The following GSAP variants were observed in gnomAD, a reference collection of about 807,000 sequenced individuals.
The protein encoded by GSAP is gamma-secretase activating protein.
A neutral mutation model predicts 131.7 loss-of-function variants in GSAP; 118 were observed. The observed-to-expected ratio is 0.90, with a 90% CI of 0.77 to 1.04. The LOEUF (loss-of-function observed/expected upper bound fraction) is 1.04. GSAP is among the 50% of genes least tolerant of loss of function. The pLI, the probability that GSAP is intolerant of heterozygous loss-of-function variation, is 0.00. For missense variants in GSAP, 1,019 were observed against 1,013.2 expected (o/e 1.01, Z -0.08); for synonymous variants, 381 against 363.4 (o/e 1.05, Z -0.55).
intron 1 of GSAP, among the ~76,000 whole-genome samples, chr7:77,408,273 A>G (rs1459391542): frequency 6.6e-6 from 1 of 152,244 alleles, no homozygotes; most frequent in Non-Finnish European, 1.5e-5. Flanking sequence ...AAGTTAACTG[A>G]CCATCTTTCT....
chr7:77,407,642 T>C (rs1802526206), intron 1 of GSAP, among the ~76,000 whole-genome samples: 2 of 152,192 alleles, frequency 1.3e-5, no homozygotes, highest in African/African-American at 2.4e-5. Flanking sequence ...TTTAGTATTA[T>C]GTGATGCAAA....
chr7:77,353,309 T>C (rs1584438730), intron 17 of GSAP, among the ~76,000 whole-genome samples: 1 of 151,890 alleles, frequency 6.6e-6, no homozygotes, highest in East Asian at 1.9e-4. Flanking sequence ...TACATCTTAC[T>C]GGAAAAAAAA....
At chr7:77,340,678 C>T (rs1387886714) in intron 19 of GSAP, among the ~76,000 whole-genome samples, 1 of 152,216 alleles carries the variant, frequency 6.6e-6, no homozygotes, top group Non-Finnish European at 1.5e-5. Flanking sequence ...AGATAGTCTT[C>T]CCTTGGTGTT....
At chr7:77,357,061 C>A (rs1309546633) in intron 14 of GSAP, among the ~76,000 whole-genome samples, 1 of 152,194 alleles carries the variant, frequency 6.6e-6, no homozygotes, top group East Asian at 1.9e-4. Context: ...CTAGTTACCT[C>A]CCAGCTGTAC....
At chr7:77,349,111 C>T (rs1281993841) in intron 19 of GSAP, among the ~76,000 whole-genome samples, 1 of 152,212 alleles carries the variant, frequency 6.6e-6, no homozygotes, top group Middle Eastern at 3.2e-3. Context: ...TTAAGTTGAG[C>T]ACCGTAATTC....
At chr7:77,320,596 C>T (rs1331752177) in intron 26 of GSAP, 129 bp downstream of exon 26, 3 of 645,776 alleles carry the variant, frequency 4.6e-6, no homozygotes, top group South Asian at 3.9e-5. Context: ...CCATCACTCA[C>T]AGTAACACCA....
intron 19 of GSAP, chr7:77,330,620 G>C (rs1444975441): frequency 5.9e-6 from 6 of 1,023,568 alleles, no homozygotes; most frequent in Non-Finnish European, 7.1e-6. Flanking sequence ...ACCACATAGA[G>C]AACTGCTGCT....
intron 6 of GSAP, among the ~76,000 whole-genome samples, chr7:77,387,025 G>T (rs1277339315): frequency 6.6e-6 from 1 of 152,098 alleles, no homozygotes; most frequent in Admixed American, 6.5e-5. Flanking sequence ...TAAATTCAGG[G>T]ATTAAGCCAT....
At chr7:77,365,399 CAAG>C (rs1158670842) in intron 12 of GSAP, among the ~76,000 whole-genome samples, 1 of 152,142 alleles carries the variant, frequency 6.6e-6, no homozygotes, top group African/African-American at 2.4e-5. Flanking sequence ...CCTCCACTCT[CAAG>C]AAGACCCCAG....
intron 30 of GSAP, 46 bp downstream of exon 30, chr7:77,311,795 G>T: frequency 1.1e-6 from 1 of 915,878 alleles, no homozygotes; most frequent in Non-Finnish European, 1.8e-6. Context: ...GGACTGATGT[G>T]TCAAGGGAAA....
At chr7:77,318,456 G>A (rs1787172184) in intron 26 of GSAP, among the ~76,000 whole-genome samples, 1 of 152,098 alleles carries the variant, frequency 6.6e-6, no homozygotes, top group Non-Finnish European at 1.5e-5. Context: ...AATGATGAAT[G>A]GATGAATATA....
rs564040438 is a variant in GSAP at position 77,369,077 on chromosome 7, C to T, written c.871+4993G>A. ...AATTATTAAAAGGCTCTATAAAGTG[C>T]TAAAACATAGGCCTAATCGGGAACT... On this transcript the variant is annotated intron_variant, in intron 12 of 30. Transcript: ENST00000257626. Among the ~76,000 whole-genome samples the T allele has an allele frequency of 2.0e-5, 3 of 152,234 alleles. No individual in the cohort carries two copies. In the East Asian group the frequency reaches 5.8e-4, roughly 29 times the overall value.
In GSAP at chr7:77,351,328, C is replaced by T. The variant is rs1259679194; in HGVS notation, c.1491+1616G>A. 1.4e-5 allele frequency: 5 copies of T among 369,874 alleles called. No homozygotes were observed. In the East Asian group the frequency reaches 8.0e-4, roughly 59 times the overall value. The allele number at this position is 369,874 out of a possible 1,614,324, so 22.9% of individuals were successfully genotyped here. On this transcript the variant is annotated intron_variant, in intron 18 of 30. Coordinates refer to ENST00000257626, the MANE Select transcript of GSAP (RefSeq NM_017439.4). ...ATTCAGGATTATCTATGTGTAAGGG[C>T]ATCACATTTTCTATTATCTTAAAAA... is the stretch of plus-strand genomic sequence containing the variant.
chr7:77,410,039 TG>T (rs1803000199), intron 1 of GSAP, among the ~76,000 whole-genome samples: 1 of 152,196 alleles, frequency 6.6e-6, no homozygotes, highest in African/African-American at 2.4e-5. Flanking sequence ...TTAGATTCCC[TG>T]GGTGATTCTA....
chr7:77,357,149 G>A (rs573163061), intron 14 of GSAP, among the ~76,000 whole-genome samples: 4 of 152,324 alleles, frequency 2.6e-5, no homozygotes, highest in African/African-American at 9.6e-5. Context: ...GATTTGGGTT[G>A]TTAACATCAT....
At chr7:77,325,967 T>C (rs900801548) in intron 23 of GSAP, among the ~76,000 whole-genome samples, 1 of 152,212 alleles carries the variant, frequency 6.6e-6, no homozygotes, top group Non-Finnish European at 1.5e-5. Context: ...CCTTTTATCA[T>C]GGTTTGTAAA....
chr7:77,364,887 T>C (rs1396937145), intron 12 of GSAP, among the ~76,000 whole-genome samples: 1 of 152,240 alleles, frequency 6.6e-6, no homozygotes, highest in Non-Finnish European at 1.5e-5. Context: ...GGAAATGTTA[T>C]ATACCTGTAT....
At chr7:77,363,623 G>C (rs2150929490) in intron 12 of GSAP, among the ~76,000 whole-genome samples, 1 of 152,252 alleles carries the variant, frequency 6.6e-6, no homozygotes, top group Non-Finnish European at 1.5e-5. Flanking sequence ...TTTCCCCTAA[G>C]AGGGCTATTC....
chr7:77,403,570 A>G (rs1801749711), intron 3 of GSAP, among the ~76,000 whole-genome samples: 1 of 101,296 alleles, frequency 9.9e-6, no homozygotes, highest in South Asian at 3.9e-4. Flanking sequence ...TAATTTGGGG[A>G]AAAAAATAAG....
Sources: allele counts gnomAD v4.1 joint callset (sites outside exome capture counted in the v4.1 genomes callset), GRCh38; gene constraint gnomAD v4.1.1; transcripts MANE v1.5; gene names NCBI Gene and HGNC (gene_info 2026-07-23, HGNC 2026-07-21).